UNC5C: variants seen among roughly 807,000 people sequenced by gnomAD.
UNC5C encodes netrin receptor UNC5C.
A neutral mutation model predicts 99.8 loss-of-function variants in UNC5C; 47 were observed. The ratio of observed to expected loss-of-function variants is 0.47; its 90% CI spans 0.37 to 0.60. The LOEUF (loss-of-function observed/expected upper bound fraction) is 0.60. Ranked by LOEUF, UNC5C falls within the 20% of genes least tolerant of loss-of-function variation. The pLI, the probability that UNC5C is intolerant of heterozygous loss-of-function variation, is 0.00. For missense variants in UNC5C, 1,062 were observed against 1,165.9 expected (o/e 0.91, Z 1.30); for synonymous variants, 487 against 452.2 (o/e 1.08, Z -0.98).
intron 5 of UNC5C, among the ~76,000 whole-genome samples, chr4:95,249,541 T>C (rs1370545920): frequency 6.6e-6 from 1 of 152,172 alleles, no homozygotes; most frequent in African/African-American, 2.4e-5. Context: ...TATGTAAATA[T>C]ATAGACCAGT....
At chr4:95,170,551 A>G (rs1232151647) in intron 14 of UNC5C, among the ~76,000 whole-genome samples, 2 of 152,186 alleles carry the variant, frequency 1.3e-5, no homozygotes, top group African/African-American at 4.8e-5. Flanking sequence ...CTAACTTTGC[A>G]TAGCCTCAGA....
chr4:95,256,699 A>ATATATATATATATATATATATATATAT (rs1553958327), intron 4 of UNC5C, among the ~76,000 whole-genome samples: 1 of 90,664 alleles, frequency 1.1e-5, no homozygotes, highest in African/African-American at 3.6e-5. Flanking sequence ...GAACTAAATA[A>ATATATATATATATATATATATATATAT]ATATATATAT....
intron 1 of UNC5C, among the ~76,000 whole-genome samples, chr4:95,437,259 A>G (rs1000177471): frequency 2.0e-5 from 3 of 151,770 alleles, no homozygotes; most frequent in African/African-American, 7.2e-5. Flanking sequence ...AAAATATTAC[A>G]AAAAATTCAT....
intron 3 of UNC5C, among the ~76,000 whole-genome samples, chr4:95,291,078 T>C (rs1242311857): frequency 6.6e-6 from 1 of 152,170 alleles, no homozygotes; most frequent in Non-Finnish European, 1.5e-5. Flanking sequence ...ACATTTGTAT[T>C]CAGATAGTCT....
intron 14 of UNC5C, among the ~76,000 whole-genome samples, chr4:95,182,372 G>A (rs1560717832): frequency 6.6e-6 from 1 of 152,136 alleles, no homozygotes; most frequent in Non-Finnish European, 1.5e-5. Flanking sequence ...TAGAGAGAAA[G>A]GAGATCAAGA....
Position 95,183,077 on chromosome 4 carries a change from G to C in UNC5C, c.2287-16C>G. ...ATGGAATTTCCTAAAGGATATGAAA[G>C]TGTTAACCACAATTGAAGGACTAAT... On this transcript the variant is annotated splice_polypyrimidine_tract_variant and intron_variant, in intron 13 of 15. Transcript: ENST00000453304. 6.3e-7 allele frequency: 1 copy of C among 1,590,974 alleles called. No homozygotes were observed. The highest frequency in any genetic ancestry group is 8.6e-7 in the Non-Finnish European group (1 of 1,162,040).
chr4:95,221,476 T>A (rs540653771), intron 7 of UNC5C, among the ~76,000 whole-genome samples: 1 of 152,314 alleles, frequency 6.6e-6, no homozygotes, highest in East Asian at 1.9e-4. Context: ...CAGTGGCTCA[T>A]GAGACAACCC....
intron 1 of UNC5C, among the ~76,000 whole-genome samples, chr4:95,429,651 A>T (rs1746580755): frequency 6.6e-6 from 1 of 152,166 alleles, no homozygotes; most frequent in Non-Finnish European, 1.5e-5. Flanking sequence ...AAGAAGCCTC[A>T]TTCACAACAG....
chr4:95,229,461 CT>C (rs528932570), intron 7 of UNC5C, among the ~76,000 whole-genome samples: 19 of 152,164 alleles, frequency 1.2e-4, no homozygotes, highest in African/African-American at 2.6e-4. Context: ...TGAACTCATC[CT>C]TTTTTTATGG....
chr4:95,503,404 G>A (rs1721830697), intron 1 of UNC5C, among the ~76,000 whole-genome samples: 1 of 152,062 alleles, frequency 6.6e-6, no homozygotes, highest in Non-Finnish European at 1.5e-5. Context: ...AATGAACTAA[G>A]ACAATATGTC....
intron 1 of UNC5C, among the ~76,000 whole-genome samples, chr4:95,517,095 C>A (rs998087920): frequency 2.0e-5 from 3 of 151,968 alleles, no homozygotes; most frequent in Admixed American, 1.3e-4. Flanking sequence ...ACTGTGAAGG[C>A]CAAATGTCAT....
At chr4:95,284,877 T>G (rs192972088) in intron 3 of UNC5C, among the ~76,000 whole-genome samples, 3 of 152,190 alleles carry the variant, frequency 2.0e-5, no homozygotes, top group Non-Finnish European at 2.9e-5. Flanking sequence ...GTGCCATCTC[T>G]TGAGCAACTT....
intron 1 of UNC5C, among the ~76,000 whole-genome samples, chr4:95,356,226 A>AAAAAAAAAC (rs1371053400): frequency 6.9e-6 from 1 of 144,714 alleles, no homozygotes; most frequent in Non-Finnish European, 1.5e-5. Context: ...AACAAAAAAA[A>AAAAAAAAAC]AACAGATTCC....
chr4:95,357,116 T>A (rs538719124), intron 1 of UNC5C, among the ~76,000 whole-genome samples: 1 of 144,664 alleles, frequency 6.9e-6, no homozygotes, highest in South Asian at 2.2e-4. Context: ...ACTACTGATT[T>A]CTTGTTTTCC....
intron 4 of UNC5C, among the ~76,000 whole-genome samples, chr4:95,277,140 T>C (rs963309829): frequency 2.0e-5 from 3 of 152,212 alleles, no homozygotes; most frequent in Non-Finnish European, 2.9e-5. Context: ...ATGGACTATG[T>C]TGAAAGTCTC....
chr4:95,349,560 T>TC (rs957775177), intron 1 of UNC5C, among the ~76,000 whole-genome samples: 9 of 151,634 alleles, frequency 5.9e-5, no homozygotes, highest in Non-Finnish European at 2.9e-5. Flanking sequence ...TCCTATTTTT[T>TC]CTGCTTTTTG....
At chr4:95,535,662 T>C (rs1164782929) in intron 1 of UNC5C, among the ~76,000 whole-genome samples, 1 of 152,216 alleles carries the variant, frequency 6.6e-6, no homozygotes, top group African/African-American at 2.4e-5. Flanking sequence ...TATTCATCTT[T>C]ACCAAGAGAC....
chr4:95,288,619 A>C (rs567532178), intron 3 of UNC5C, among the ~76,000 whole-genome samples: 122 of 152,318 alleles, frequency 8.0e-4, no homozygotes, highest in East Asian at 5.8e-4. Context: ...AGCCATAATC[A>C]AAGGGACAGC....
In UNC5C at chr4:95,447,072, G is replaced by A. The variant is rs544688425; in HGVS notation, c.124+101662C>T. Among the ~76,000 whole-genome samples, 7 of 152,284 alleles carry A rather than the reference G, an allele frequency of 4.6e-5. No individual in the cohort carries two copies. The East Asian group carries it at 1.2e-3, about 25-fold the overall frequency. The stretch of plus-strand genomic sequence containing the variant: ...ATACTTGGAGTTATAGAATCAAGAT[G>A]TGTTCCTCTGTAGCATGATCATAAT... On this transcript the variant is annotated intron_variant, in intron 1 of 15. Transcript: ENST00000453304.
Sources: gnomAD v4.1 joint callset for allele counts (sites outside exome capture counted in the v4.1 genomes callset) on GRCh38, gnomAD v4.1.1 for gene constraint, MANE v1.5 for transcripts, NCBI Gene and HGNC (gene_info 2026-07-23, HGNC 2026-07-21) for gene names.